Variants in NIPSNAP3A observed in about 807,000 individuals in gnomAD.
The protein encoded by NIPSNAP3A is protein NipSnap homolog 3A.
A neutral mutation model predicts 32.3 loss-of-function variants in NIPSNAP3A; 27 were observed. That is an observed-to-expected ratio of 0.84 (90% CI 0.62 to 1.15). NIPSNAP3A has a LOEUF of 1.15. Among genes scored for constraint, NIPSNAP3A ranks in the 50% most tolerant of loss-of-function variants. The pLI, the probability that NIPSNAP3A is intolerant of heterozygous loss-of-function variation, is 0.00. For synonymous variants in NIPSNAP3A, 108 were observed against 107.3 expected, an observed-to-expected ratio of 1.01 and a Z score of -0.04; for missense variants, 278 against 297.2, an observed-to-expected ratio of 0.94 and a Z score of 0.48.
intron 3 of NIPSNAP3A, 156 bp from the exon 4 acceptor site, chr9:104,754,395 C>A: frequency 1.6e-6 from 1 of 623,804 alleles, no homozygotes; most frequent in Non-Finnish European, 2.8e-6. Context: ...AGCATAAAAG[C>A]AGAGAGTGCA....
intron 1 of NIPSNAP3A, 146 bp from the exon 2 acceptor site, chr9:104,750,810 A>G (rs1827839064): frequency 2.9e-6 from 2 of 693,522 alleles, no homozygotes; most frequent in Admixed American, 2.2e-5. Context: ...ACCCTCCATC[A>G]GTAACATATT....
At chr9:104,753,972 C>G (rs941586152) in intron 3 of NIPSNAP3A, 1 of 152,824 alleles carries the variant, frequency 6.5e-6, no homozygotes, top group Non-Finnish European at 1.5e-5. Context: ...CCAAAGTGTA[C>G]AATACTTTTC....
At position 104,755,891 on chromosome 9, in the gene NIPSNAP3A, C is replaced by G. The variant is rs1046513524; in HGVS notation, c.580+1191C>G. ...TATGATTGCACCACTGCACTCCAAC[C>G]CCTGAACGACATAGTGAGACCCTGT... On this transcript the variant is annotated intron_variant, in intron 4 of 5. Coordinates refer to ENST00000374767, the MANE Select transcript of NIPSNAP3A (RefSeq NM_015469.3). 9.9e-5 allele frequency among the ~76,000 whole-genome samples: 15 copies of G among 151,940 alleles called. No individual in the cohort carries two copies. In the South Asian group the frequency reaches 3.1e-3, roughly 32 times the overall value.
chr9:104,747,791 C>T lies in NIPSNAP3A; in HGVS notation c.-2C>T, dbSNP rs754925825. 6.2e-7 allele frequency: 1 copy of T among 1,608,122 alleles called. No homozygotes were observed. The highest frequency in any genetic ancestry group is 1.1e-5 in the South Asian group (1 of 90,390). On this transcript the variant is annotated 5_prime_UTR_variant, in exon 1 of 6. Coordinates refer to ENST00000374767, the MANE Select transcript of NIPSNAP3A (RefSeq NM_015469.3). ...TGCTTTTCTCAGCGCCGAAGCCGCG[C>T]CATGCTCGTCCTCAGAAGCGCCCTG...
At chr9:104,748,224 G>A (rs1260050594) in intron 1 of NIPSNAP3A, among the ~76,000 whole-genome samples, 1 of 152,210 alleles carries the variant, frequency 6.6e-6, no homozygotes, top group Non-Finnish European at 1.5e-5. Flanking sequence ...GTCACCTGGC[G>A]CTGTGGAGCC....
chr9:104,751,146 TG>T lies in NIPSNAP3A; in HGVS notation c.252del (p.His86IlefsTer52). 6.2e-7 allele frequency: 1 copy of T among 1,613,708 alleles called. No individual in the cohort carries two copies. The highest frequency in any genetic ancestry group is 8.5e-7 in the Non-Finnish European group (1 of 1,179,676). Reference sequence around the variant, plus strand: ...GAATTTGGAGGCAGAATGAATACAGTGTTTCATATTTGGAAGTATGGTAAAG... The same window carrying T: ...GAATTTGGAGGCAGAATGAATACAGTTTTCATATTTGGAAGTATGGTAAAG... ...SVEFGGRMNT[V>X]FHIWKYDNFA... On this transcript the variant is annotated frameshift_variant, in exon 2 of 6. Transcript: ENST00000374767. LOFTEE classifies it high-confidence loss of function.
rs769565386 is a variant in NIPSNAP3A, at chr9:104,752,994, C to A, written c.360C>A (p.Leu120=). Reference sequence around the variant, plus strand: ...AATTCCTCATTCCAAATTTGGCTCTCATTGATAAACAAGAGAGTGAGATTA... The same window carrying A: ...AATTCCTCATTCCAAATTTGGCTCTAATTGATAAACAAGAGAGTGAGATTA... The part of the protein sequence containing the change: ...QEQFLIPNLA[L]IDKQESEITY... Residue 120 remains leucine (L), a synonymous_variant, in exon 3 of 6, where the codon CTC becomes CTA. Transcript: ENST00000374767. 1.9e-6 allele frequency: 3 copies of A among 1,613,158 alleles called. No individual in the cohort carries two copies. Among genetic ancestry groups the A allele is most frequent in the Non-Finnish European group, 2.5e-6 (3 of 1,179,214 alleles).
In NIPSNAP3A at chr9:104,751,013, C is replaced by A. The variant is rs775081506; in HGVS notation, c.118C>A (p.Arg40Ser). The change falls in exon 2 of 6, where the codon CGT becomes AGT. Residue 40 changes from arginine (R) to serine (S), a missense_variant. Transcript: ENST00000374767. ...RQYDGIFYEF[R>S]SYYLKPSKMN... ...ATACGATGGAATATTCTATGAATTT[C>A]GTTCTTATTACCTTAAGCCCTCAAA... 1 of 1,613,802 alleles carries A rather than the reference C, an allele frequency of 6.2e-7. No homozygotes were observed. Among genetic ancestry groups the A allele is most frequent in the Admixed American group, 1.7e-5 (1 of 60,000 alleles).
chr9:104,748,144 A>T (rs1004710110), intron 1 of NIPSNAP3A, among the ~76,000 whole-genome samples: 1 of 152,166 alleles, frequency 6.6e-6, no homozygotes, highest in Non-Finnish European at 1.5e-5. Context: ...GGACACTCCC[A>T]TGGCGCCGGC....
At chr9:104,749,118 CCAAATA>C (rs1827816042) in intron 1 of NIPSNAP3A, among the ~76,000 whole-genome samples, 1 of 152,314 alleles carries the variant, frequency 6.6e-6, no homozygotes, top group Admixed American at 6.5e-5. Context: ...ATTTTATCCT[CCAAATA>C]CAAATTCCTC....
Position 104,759,470 on chromosome 9 carries a change from T to A in NIPSNAP3A, c.*132T>A. ...AGTTAATTTGCTATGTTTCTTGCAT[T>A]ATGAAGGCTACATCTGTGCTTTGTA... On this transcript the variant is annotated 3_prime_UTR_variant, in exon 6 of 6. Coordinates refer to ENST00000374767, the MANE Select transcript of NIPSNAP3A (RefSeq NM_015469.3). 1.2e-6 allele frequency: 1 copy of A among 840,876 alleles called. No homozygotes were observed. The highest frequency in any genetic ancestry group is 1.9e-6 in the Non-Finnish European group (1 of 522,450). 52.1% of individuals were successfully genotyped at this position (840,876 alleles called of 1,614,324 possible).
At chr9:104,747,896 G>T (rs1351059880) in intron 1 of NIPSNAP3A, 44 bp downstream of exon 1, 1 of 1,441,286 alleles carries the variant, frequency 6.9e-7, no homozygotes, top group Non-Finnish European at 9.2e-7. Flanking sequence ...GACGGGAGGG[G>T]AGGGGCGGGG....
rs969257574 is a variant in NIPSNAP3A, at chr9:104,760,025, G to A, written c.*687G>A. The A allele has an allele frequency of 2.0e-5, 3 of 151,922 alleles. No homozygotes were observed. The highest frequency in any genetic ancestry group is 4.8e-5 in the African/African-American group (2 of 41,354). 9.4% of individuals were successfully genotyped at this position (151,922 alleles called of 1,614,324 possible). A position where few individuals can be genotyped will look rare whatever the true frequency, so the allele number is the denominator to read the frequency against. On this transcript the variant is annotated 3_prime_UTR_variant, in exon 6 of 6. Transcript: ENST00000374767. ...TTTTAACTACTATTTACTTCATTTC[G>A]GATCCTGTTTAACAAAGATACTTGA...
Position 104,759,440 on chromosome 9 carries a change from TGTTAA to T in NIPSNAP3A, c.*108_*112del, listed in dbSNP as rs936024525. The T allele has an allele frequency of 2.7e-5, 33 of 1,209,594 alleles. No homozygotes were observed. In the African/African-American group the frequency reaches 4.4e-4, roughly 16 times the overall value. 74.9% of individuals were successfully genotyped at this position (1,209,594 alleles called of 1,614,324 possible). A position where few individuals can be genotyped will look rare whatever the true frequency, so the allele number is the denominator to read the frequency against. ...GGTTCTCACTTTTATTTGAAGGAGG[TGTTAA>T]GTTAATTTGCTATGTTTCTTGCATT... On this transcript the variant is annotated 3_prime_UTR_variant, in exon 6 of 6. Transcript: ENST00000374767.
intron 4 of NIPSNAP3A, among the ~76,000 whole-genome samples, chr9:104,755,278 T>C (rs1564052472): frequency 6.6e-6 from 1 of 152,048 alleles, no homozygotes; most frequent in Admixed American, 6.6e-5. Context: ...AGAAATAGTC[T>C]GTTACTTTCA....
In NIPSNAP3A at chr9:104,752,891, C is replaced by A. The variant is rs200286786; in HGVS notation, c.272-15C>A. 6.2e-7 allele frequency: 1 copy of A among 1,607,126 alleles called. No homozygotes were observed. Among genetic ancestry groups the A allele is most frequent in the Non-Finnish European group, 8.5e-7 (1 of 1,173,938 alleles). ...ATTGAATTTTTTATTTTTCTTAATT[C>A]TTTTCTTCCCACAGATAATTTTGCT... On this transcript the variant is annotated splice_polypyrimidine_tract_variant and intron_variant, in intron 2 of 5. Coordinates refer to ENST00000374767, the MANE Select transcript of NIPSNAP3A (RefSeq NM_015469.3).
In NIPSNAP3A at chr9:104,749,543, C is replaced by T. The variant is rs529959309; in HGVS notation, c.61-1413C>T. ...TTTGTAGGTATCAAAACTGTCTTCACAGATTATTCTGGTGTAATCAACTTA... is the reference window on the plus strand; with the variant it reads ...TTTGTAGGTATCAAAACTGTCTTCATAGATTATTCTGGTGTAATCAACTTA... On this transcript the variant is annotated intron_variant, in intron 1 of 5. Transcript: ENST00000374767. Among the ~76,000 whole-genome samples, 26 of 152,316 alleles carry T rather than the reference C, an allele frequency of 1.7e-4. 1 individual carries two copies. Among genetic ancestry groups the T allele is most frequent in the South Asian group, 1.7e-3 (8 of 4,828 alleles).
chr9:104,755,583 G>T (rs1343148420), intron 4 of NIPSNAP3A, among the ~76,000 whole-genome samples: 1 of 152,066 alleles, frequency 6.6e-6, no homozygotes, highest in Non-Finnish European at 1.5e-5. Flanking sequence ...AGAATTTCAA[G>T]ATTTTTTGTG....
intron 1 of NIPSNAP3A, 149 bp downstream of exon 1, chr9:104,748,001 C>T (rs1181101062): frequency 9.3e-6 from 7 of 753,220 alleles, no homozygotes; most frequent in Non-Finnish European, 1.5e-5. Context: ...GCGTGAGCCC[C>T]GGAACCCCAA....
Sources: gnomAD v4.1 joint callset for allele counts (sites outside exome capture counted in the v4.1 genomes callset) on GRCh38, gnomAD v4.1.1 for gene constraint, MANE v1.5 for transcripts, NCBI Gene and HGNC (gene_info 2026-07-23, HGNC 2026-07-21) for gene names.